The following SHISA6 variants were observed in gnomAD, a reference collection of about 807,000 sequenced individuals.
SHISA6 encodes the protein protein shisa-6.
SHISA6 carries 22 observed loss-of-function variants against 47.9 expected under a neutral mutation model. The ratio of observed to expected loss-of-function variants is 0.46; its 90% CI spans 0.33 to 0.66. SHISA6 has a LOEUF of 0.66. SHISA6 is among the 30% of genes least tolerant of loss of function. SHISA6 has a pLI of 0.02. For synonymous variants in SHISA6, 388 were observed against 337.8 expected (o/e 1.15, Z -1.63); for missense variants, 680 against 764.6 (o/e 0.89, Z 1.30).
At chr17:11,412,460 T>A (rs1914147473) in intron 3 of SHISA6, among the ~76,000 whole-genome samples, 1 of 152,164 alleles carries the variant, frequency 6.6e-6, no homozygotes, top group African/African-American at 2.4e-5. Context: ...ATTTTCATGT[T>A]AAAACCAACC....
At chr17:11,491,484 G>C (rs1005780914) in intron 3 of SHISA6, among the ~76,000 whole-genome samples, 4 of 151,952 alleles carry the variant, frequency 2.6e-5, no homozygotes, top group African/African-American at 9.7e-5. Flanking sequence ...AATTTTTGTG[G>C]AGACGGGGGT....
intron 3 of SHISA6, among the ~76,000 whole-genome samples, chr17:11,450,107 G>A (rs976509292): frequency 5.9e-5 from 9 of 151,968 alleles, no homozygotes; most frequent in Non-Finnish European, 1.2e-4. Flanking sequence ...GGATGGTCTC[G>A]ATCTCCTGAC....
chr17:11,545,098 T>C (rs2071872453), intron 3 of SHISA6, among the ~76,000 whole-genome samples: 1 of 151,724 alleles, frequency 6.6e-6, no homozygotes. Context: ...GCATCTCCAT[T>C]CATAATATCC....
chr17:11,375,189 A>G (rs1912759939), intron 2 of SHISA6, among the ~76,000 whole-genome samples: 1 of 152,186 alleles, frequency 6.6e-6, no homozygotes, highest in Non-Finnish European at 1.5e-5. Flanking sequence ...AAGTCTTCCA[A>G]TCTGTTCAGA....
rs560364768 is a variant in SHISA6 at position 11,275,407 on chromosome 17, C to G, written c.799+11881C>G. ...CTTGAGAGCCAGAGAAGGAGGATGGCAAGATGGGACTCCAGATTCATTGAT... is the reference window on the plus strand; with the variant it reads ...CTTGAGAGCCAGAGAAGGAGGATGGGAAGATGGGACTCCAGATTCATTGAT... On this transcript the variant is annotated intron_variant, in intron 2 of 5. Transcript: ENST00000441885. 3.9e-3 allele frequency among the ~76,000 whole-genome samples: 600 copies of G among 152,146 alleles called. 3 individuals are homozygous for G. The highest frequency in any genetic ancestry group is 7.0e-3 in the Non-Finnish European group (475 of 68,004).
chr17:11,433,982 A>C (rs1042804549), intron 3 of SHISA6, among the ~76,000 whole-genome samples: 1 of 152,056 alleles, frequency 6.6e-6, no homozygotes, highest in African/African-American at 2.4e-5. Flanking sequence ...GAATCAGTGC[A>C]CATTGCCCGC....
intron 3 of SHISA6, among the ~76,000 whole-genome samples, chr17:11,491,909 T>A (rs1481922737): frequency 6.6e-6 from 1 of 151,856 alleles, no homozygotes; most frequent in Non-Finnish European, 1.5e-5. Flanking sequence ...GTAGCTGGGA[T>A]TACAGGCATG....
chr17:11,334,550 A>G (rs1013901693), intron 2 of SHISA6, among the ~76,000 whole-genome samples: 9 of 152,168 alleles, frequency 5.9e-5, no homozygotes, highest in African/African-American at 2.2e-4. Context: ...AGCGCTAGAC[A>G]TGCATGTCCA....
intron 2 of SHISA6, among the ~76,000 whole-genome samples, chr17:11,303,967 G>C (rs555329476): frequency 6.6e-6 from 1 of 152,210 alleles, no homozygotes; most frequent in Non-Finnish European, 1.5e-5. Flanking sequence ...AAAAGCTGCA[G>C]GGCCTGACCG....
chr17:11,556,676 G>A (rs976405285), intron 5 of SHISA6, among the ~76,000 whole-genome samples: 7 of 152,126 alleles, frequency 4.6e-5, no homozygotes, highest in South Asian at 2.1e-4. Flanking sequence ...ATGGTGAAAC[G>A]TGGAGTCTCT....
chr17:11,297,564 C>G (rs1909793851), intron 2 of SHISA6, among the ~76,000 whole-genome samples: 2 of 152,114 alleles, frequency 1.3e-5, no homozygotes, highest in South Asian at 4.2e-4. Context: ...AGGCTGTGCC[C>G]CAGAGGTTAC....
chr17:11,342,262 G>A (rs1911558083), intron 2 of SHISA6, among the ~76,000 whole-genome samples: 1 of 152,078 alleles, frequency 6.6e-6, no homozygotes, highest in African/African-American at 2.4e-5. Flanking sequence ...AAGAGCCAAA[G>A]CCCTCTGGGA....
intron 3 of SHISA6, among the ~76,000 whole-genome samples, chr17:11,466,133 C>G (rs994077011): frequency 1.3e-5 from 2 of 152,190 alleles, no homozygotes; most frequent in Non-Finnish European, 2.9e-5. Flanking sequence ...AAATGACACA[C>G]ACACCGTCCT....
chr17:11,438,317 T>C (rs1177900520), intron 3 of SHISA6, among the ~76,000 whole-genome samples: 1 of 152,224 alleles, frequency 6.6e-6, no homozygotes, highest in Non-Finnish European at 1.5e-5. Flanking sequence ...TTAGTAACTG[T>C]ATTGGTTTGC....
intron 3 of SHISA6, among the ~76,000 whole-genome samples, chr17:11,412,997 C>G (rs1013740601): frequency 6.6e-6 from 1 of 152,100 alleles, no homozygotes; most frequent in Non-Finnish European, 1.5e-5. Context: ...GCCAGAGATG[C>G]CATCAAGGGG....
At chr17:11,318,146 G>T (rs974530021) in intron 2 of SHISA6, among the ~76,000 whole-genome samples, 2 of 152,080 alleles carry the variant, frequency 1.3e-5, no homozygotes, top group African/African-American at 2.4e-5. Flanking sequence ...GGAAAAAATG[G>T]AGCATTACTT....
chr17:11,444,824 C>T (rs1458014480), intron 3 of SHISA6, among the ~76,000 whole-genome samples: 1 of 152,158 alleles, frequency 6.6e-6, no homozygotes, highest in Non-Finnish European at 1.5e-5. Flanking sequence ...TCAGATGGGA[C>T]TCTGAACGTC....
In SHISA6 at chr17:11,242,042, G is replaced by A; in HGVS notation, c.620G>A (p.Arg207Gln). 3.2e-6 allele frequency: 5 copies of A among 1,550,700 alleles called. No individual in the cohort carries two copies. The highest frequency in any genetic ancestry group is 4.4e-6 in the Non-Finnish European group (5 of 1,146,996). The stretch of plus-strand genomic sequence containing the variant: ...TACGACAAGGCCCACCGCCCTCCAC[G>A]GGAGATGAACATCCACAGGTGAGAG... ...VSYDKAHRPP[R>Q]EMNIHRALAD... The change falls in exon 1 of 6, where the codon CGG becomes CAG. Residue 207 changes from arginine to glutamine, a missense_variant. Around this residue, in one of 2 missense-constraint regions of SHISA6, gnomAD observed 559 missense variants for 674.1 expected, o/e 0.83. Coordinates refer to ENST00000441885, the MANE Select transcript of SHISA6 (RefSeq NM_207386.4).
At chr17:11,450,895 A>G (rs999226620) in intron 3 of SHISA6, among the ~76,000 whole-genome samples, 1 of 151,766 alleles carries the variant, frequency 6.6e-6, no homozygotes, top group Non-Finnish European at 1.5e-5. Context: ...CGCTGGGTCC[A>G]GGTTTCTTGT....
Sources: allele counts gnomAD v4.1 joint callset (sites outside exome capture counted in the v4.1 genomes callset), GRCh38; gene constraint gnomAD v4.1.1; regional missense constraint gnomAD v4.1.1; transcripts MANE v1.5; gene names NCBI Gene and HGNC (gene_info 2026-07-23, HGNC 2026-07-21).